The following ODAD2 variants were observed in gnomAD, a reference collection of about 807,000 sequenced individuals.
ODAD2 encodes outer dynein arm docking complex subunit 2.
In ODAD2, 89 loss-of-function variants were observed where a neutral mutation model predicts 106.8. That is an observed-to-expected ratio of 0.83 (90% CI 0.70 to 0.99). ODAD2 has a LOEUF of 0.99. Among genes scored for constraint, ODAD2 ranks in the 50% least tolerant of loss-of-function variants. The probability of loss-of-function intolerance (pLI) is 0.00; values close to 1 mark genes in which losing one functional copy is unlikely to be tolerated. For missense variants in ODAD2, 1,168 were observed against 1,238.5 expected (o/e 0.94, Z 0.85); for synonymous variants, 404 against 436.2 (o/e 0.93, Z 0.92).
intron 6 of ODAD2, among the ~76,000 whole-genome samples, chr10:27,982,177 A>T (rs1167571209): frequency 6.7e-6 from 1 of 148,836 alleles, no homozygotes; most frequent in Non-Finnish European, 1.5e-5. Context: ...TATATATATA[A>T]TGTATACACA....
intron 19 of ODAD2, among the ~76,000 whole-genome samples, chr10:27,850,243 G>A (rs1303880071): frequency 1.3e-5 from 2 of 152,064 alleles, no homozygotes; most frequent in African/African-American, 2.4e-5. Context: ...TCAGGAGTTT[G>A]AGACCAGCCT....
intron 6 of ODAD2, among the ~76,000 whole-genome samples, chr10:27,982,304 T>C (rs1849603182): frequency 6.6e-6 from 1 of 152,176 alleles, no homozygotes; most frequent in African/African-American, 2.4e-5. Context: ...TTGTAATTAT[T>C]GAGTAGTTTT....
chr10:27,985,333 T>C (rs1412906677), intron 3 of ODAD2, 122 bp from the exon 4 acceptor site: 1 of 803,276 alleles, frequency 1.2e-6, no homozygotes. Flanking sequence ...TTAAGCTTTT[T>C]CTAAACGACC....
chr10:27,955,696 GGTGTGT>G (rs56731384), intron 10 of ODAD2, among the ~76,000 whole-genome samples: 3,687 of 142,936 alleles, frequency 0.026, 160 homozygotes, highest in African/African-American at 0.084. Context: ...AACCAATTAA[GGTGTGT>G]GTGTGTGTGT....
At chr10:27,847,973 T>C (rs1052545202) in intron 19 of ODAD2, among the ~76,000 whole-genome samples, 1 of 152,156 alleles carries the variant, frequency 6.6e-6, no homozygotes, top group African/African-American at 2.4e-5. Context: ...GAAGAATCAA[T>C]ATCGTGAAAA....
At chr10:27,822,379 A>G (rs1429978960) in intron 19 of ODAD2, among the ~76,000 whole-genome samples, 4 of 152,204 alleles carry the variant, frequency 2.6e-5, no homozygotes, top group Non-Finnish European at 5.9e-5. Context: ...TGAGCTCTGG[A>G]ATGCCTACCA....
chr10:27,959,635 T>C (rs1303523060), intron 10 of ODAD2, among the ~76,000 whole-genome samples: 1 of 152,106 alleles, frequency 6.6e-6, no homozygotes, highest in Non-Finnish European at 1.5e-5. Context: ...TGTTTCCAAA[T>C]TCCCGACAGG....
At chr10:27,823,352 T>C (rs190534738) in intron 19 of ODAD2, among the ~76,000 whole-genome samples, 1 of 152,278 alleles carries the variant, frequency 6.6e-6, no homozygotes, top group African/African-American at 2.4e-5. Context: ...AAAGTGTAGA[T>C]GGCAATTCTC....
At chr10:27,999,522 T>G (rs1376507949), upstream of ODAD2, among the ~76,000 whole-genome samples, 1 of 152,102 alleles carries the variant, frequency 6.6e-6, no homozygotes, top group Non-Finnish European at 1.5e-5. Context: ...GGGCAGAGGA[T>G]CGGAGTGAAA....
At chr10:27,840,140 G>T (rs1051043763) in intron 19 of ODAD2, among the ~76,000 whole-genome samples, 1 of 152,066 alleles carries the variant, frequency 6.6e-6, no homozygotes, top group South Asian at 2.1e-4. Flanking sequence ...CACAACTGAG[G>T]TAAAATATTC....
intron 9 of ODAD2, among the ~76,000 whole-genome samples, chr10:27,968,117 G>T (rs1158224355): frequency 6.6e-6 from 1 of 151,760 alleles, no homozygotes; most frequent in African/African-American, 2.4e-5. Context: ...ATATGAACAT[G>T]CTTGAAACAA....
At chr10:27,920,793 T>C (rs891384119) in intron 16 of ODAD2, among the ~76,000 whole-genome samples, 2 of 151,994 alleles carry the variant, frequency 1.3e-5, no homozygotes, top group African/African-American at 4.8e-5. Flanking sequence ...CTCTTCTGTA[T>C]ACAAACAAGC....
chr10:27,897,564 A>C (rs1445723532), intron 17 of ODAD2, among the ~76,000 whole-genome samples: 1 of 152,200 alleles, frequency 6.6e-6, no homozygotes, highest in African/African-American at 2.4e-5. Context: ...GTCAAATTTT[A>C]ATCATTTTCA....
intron 16 of ODAD2, among the ~76,000 whole-genome samples, chr10:27,926,254 T>G (rs998853308): frequency 6.6e-6 from 1 of 152,022 alleles, no homozygotes; most frequent in Non-Finnish European, 1.5e-5. Flanking sequence ...CCATAGTTTA[T>G]CAAACATTGT....
intron 19 of ODAD2, among the ~76,000 whole-genome samples, chr10:27,820,644 C>A (rs1182203527): frequency 1.3e-5 from 2 of 151,868 alleles, no homozygotes; most frequent in East Asian, 3.9e-4. Flanking sequence ...CTGAGTGTAC[C>A]AAGAGGATTA....
chr10:27,918,656 A>T (rs569329391), intron 16 of ODAD2, among the ~76,000 whole-genome samples: 1 of 152,002 alleles, frequency 6.6e-6, no homozygotes, highest in African/African-American at 2.4e-5. Context: ...ATATGTTTGC[A>T]CTCATTTGAT....
chr10:27,879,407 T>C (rs560581822), intron 17 of ODAD2, among the ~76,000 whole-genome samples: 3 of 151,956 alleles, frequency 2.0e-5, no homozygotes, highest in South Asian at 2.1e-4. Flanking sequence ...TGTATATCTA[T>C]GCATATGTCT....
At chr10:27,980,561 T>C (rs1293333905) in intron 7 of ODAD2, among the ~76,000 whole-genome samples, 2 of 152,052 alleles carry the variant, frequency 1.3e-5, no homozygotes, top group Non-Finnish European at 2.9e-5. Context: ...CCAACAAATA[T>C]ATGAAAATAT....
At position 27,824,072 on chromosome 10, in the gene ODAD2, C is replaced by G. The variant is rs893650153; in HGVS notation, c.3022-11447G>C. Among the ~76,000 whole-genome samples, 3 of 96,066 alleles carry G rather than the reference C, an allele frequency of 3.1e-5. 1 individual carries two copies. The East Asian group carries it at 1.4e-3, about 44-fold the overall frequency. 63.0% of individuals were successfully genotyped at this position (96,066 alleles called of 152,430 possible). On this transcript the variant is annotated intron_variant, in intron 19 of 19. Transcript: ENST00000305242. ...GGAGAATGGCGTGAACCCCAGGGGG[C>G]GGAGCCTGCAGTGAGCCGAGATTGC...
Sources: allele counts gnomAD v4.1 joint callset (sites outside exome capture counted in the v4.1 genomes callset), GRCh38; gene constraint gnomAD v4.1.1; transcripts MANE v1.5; gene names NCBI Gene and HGNC (gene_info 2026-07-23, HGNC 2026-07-21).